PTCHD4: variants seen among roughly 807,000 people sequenced by gnomAD.
PTCHD4 encodes patched domain containing 4, also known as patched domain-containing protein 4.
Under a neutral mutation model 58.1 loss-of-function variants are expected in PTCHD4, and 33 were observed. That is an observed-to-expected ratio of 0.57 (90% CI 0.43 to 0.76). PTCHD4 has a LOEUF of 0.76. Ranked by LOEUF, PTCHD4 falls within the 30% of genes least tolerant of loss-of-function variation. The pLI is 0.00. For missense variants in PTCHD4, 1,058 were observed against 1,027.1 expected (o/e 1.03, Z -0.41); for synonymous variants, 478 against 409.6 (o/e 1.17, Z -2.02).
At chr6:48,025,056 T>C (rs1408671692) in intron 3 of PTCHD4, among the ~76,000 whole-genome samples, 2 of 152,210 alleles carry the variant, frequency 1.3e-5, no homozygotes, top group African/African-American at 2.4e-5. Context: ...CAAACTTTAA[T>C]TTTAATATAT....
intron 1 of PTCHD4, among the ~76,000 whole-genome samples, chr6:48,109,627 T>C (rs1307451169): frequency 6.6e-6 from 1 of 151,924 alleles, no homozygotes; most frequent in Non-Finnish European, 1.5e-5. Flanking sequence ...AGCCTACAAA[T>C]TGGGAGAAAA....
chr6:48,024,486 T>C (rs976763096), intron 3 of PTCHD4, among the ~76,000 whole-genome samples: 10 of 152,176 alleles, frequency 6.6e-5, no homozygotes, highest in Non-Finnish European at 1.5e-4. Context: ...TCAATTTTCC[T>C]TCTAATATAC....
intron 4 of PTCHD4, among the ~76,000 whole-genome samples, chr6:47,964,925 A>T (rs1365788558): frequency 1.3e-5 from 2 of 152,210 alleles, no homozygotes; most frequent in Non-Finnish European, 2.9e-5. Flanking sequence ...GGATTAAAAA[A>T]ACAGCACACT....
chr6:47,976,716 A>G (rs896457039), intron 4 of PTCHD4, among the ~76,000 whole-genome samples: 2 of 151,600 alleles, frequency 1.3e-5, no homozygotes, highest in African/African-American at 4.8e-5. Context: ...TTACAAAGCC[A>G]CAATTCAAAG....
chr6:48,020,182 TAG>T (rs1763014973), intron 3 of PTCHD4, among the ~76,000 whole-genome samples: 1 of 152,112 alleles, frequency 6.6e-6, no homozygotes, highest in East Asian at 1.9e-4. Flanking sequence ...CTATGAGCAC[TAG>T]AGATAGGGCA....
At chr6:47,952,009 T>C (rs1766671221) in intron 4 of PTCHD4, among the ~76,000 whole-genome samples, 1 of 152,164 alleles carries the variant, frequency 6.6e-6, no homozygotes, top group Non-Finnish European at 1.5e-5. Flanking sequence ...GATTATGCTA[T>C]GGCAAAAGAT....
intron 3 of PTCHD4, among the ~76,000 whole-genome samples, chr6:48,014,651 A>G (rs531701397): frequency 6.6e-6 from 1 of 152,288 alleles, no homozygotes; most frequent in South Asian, 2.1e-4. Context: ...CTATGAAAAT[A>G]CAATGCATAA....
chr6:47,864,641 A>G lies in PTCHD4; in HGVS notation c.*13662T>C, dbSNP rs111586809. On this transcript the variant is annotated 3_prime_UTR_variant, in exon 5 of 5. Transcript: ENST00000339488. The stretch of plus-strand genomic sequence containing the variant: ...GTTCCAACTCTTTTACATTTTCTCA[A>G]GTTGTTATCTGCTTCCTCATCCTCA... 6.6e-6 allele frequency among the ~76,000 whole-genome samples: 1 copy of G among 151,348 alleles called. No individual in the cohort carries two copies. Among genetic ancestry groups the G allele is most frequent in the Non-Finnish European group, 1.5e-5 (1 of 67,814 alleles).
intron 4 of PTCHD4, among the ~76,000 whole-genome samples, chr6:47,926,500 T>C (rs80185359): frequency 2.0e-4 from 31 of 152,326 alleles, no homozygotes; most frequent in African/African-American, 7.5e-4. Flanking sequence ...CCTGGGATTG[T>C]GTTAGAAATG....
intron 1 of PTCHD4, among the ~76,000 whole-genome samples, chr6:48,095,036 A>G (rs1362971011): frequency 6.6e-6 from 1 of 152,182 alleles, no homozygotes; most frequent in Non-Finnish European, 1.5e-5. Flanking sequence ...AAGATGTAGG[A>G]CAGATTATAA....
chr6:48,043,043 A>G (rs1763900048), intron 3 of PTCHD4, among the ~76,000 whole-genome samples: 1 of 151,928 alleles, frequency 6.6e-6, no homozygotes, highest in Non-Finnish European at 1.5e-5. Flanking sequence ...CAGAACAGAG[A>G]GACAGTATCG....
rs115178308 is a variant in PTCHD4 at position 47,917,190 on chromosome 6, A to G, written c.899-37254T>C. On this transcript the variant is annotated intron_variant, in intron 4 of 4. Coordinates refer to ENST00000339488, the MANE Select transcript of PTCHD4 (RefSeq NM_001384253.1). The stretch of plus-strand genomic sequence containing the variant: ...ATATTTTTCAAAATTTAATTTATAT[A>G]TTTTTTTCAATAATGCTATTTTGGG... Among the ~76,000 whole-genome samples the G allele has an allele frequency of 3.8e-3, 572 of 152,068 alleles. 7 individuals carry two copies. Among genetic ancestry groups the G allele is most frequent in the Middle Eastern group, 0.02 (6 of 294 alleles).
At chr6:47,985,591 G>T (rs1434105382) in intron 4 of PTCHD4, among the ~76,000 whole-genome samples, 1 of 152,014 alleles carries the variant, frequency 6.6e-6, no homozygotes, top group Non-Finnish European at 1.5e-5. Flanking sequence ...GATGATGAAA[G>T]AACTAGTTTT....
intron 4 of PTCHD4, among the ~76,000 whole-genome samples, chr6:47,946,798 C>T (rs1766435527): frequency 6.6e-6 from 1 of 151,646 alleles, no homozygotes; most frequent in Admixed American, 6.6e-5. Flanking sequence ...CAAACCTTTC[C>T]TCTCTTAGTT....
At chr6:48,091,421 A>G (rs1019643605) in intron 1 of PTCHD4, among the ~76,000 whole-genome samples, 1 of 152,142 alleles carries the variant, frequency 6.6e-6, no homozygotes, top group Non-Finnish European at 1.5e-5. Context: ...GACCTTCTGA[A>G]TCAGAATCTC....
chr6:48,018,681 T>C (rs917140336), intron 3 of PTCHD4, among the ~76,000 whole-genome samples: 6 of 152,254 alleles, frequency 3.9e-5, no homozygotes, highest in African/African-American at 7.2e-5. Flanking sequence ...GTATTCTCTC[T>C]ACCATTTGCT....
At chr6:47,922,478 G>A (rs1027514111) in intron 4 of PTCHD4, among the ~76,000 whole-genome samples, 1 of 152,142 alleles carries the variant, frequency 6.6e-6, no homozygotes, top group Non-Finnish European at 1.5e-5. Flanking sequence ...GAATTAGAAA[G>A]AGGCTATTAT....
intron 4 of PTCHD4, among the ~76,000 whole-genome samples, chr6:47,948,926 T>A (rs2113941584): frequency 6.6e-6 from 1 of 152,304 alleles, no homozygotes; most frequent in Non-Finnish European, 1.5e-5. Flanking sequence ...CAACAAAACA[T>A]TATCGAGCAT....
chr6:48,042,271 A>G (rs1410153425), intron 3 of PTCHD4, among the ~76,000 whole-genome samples: 1 of 152,022 alleles, frequency 6.6e-6, no homozygotes, highest in Non-Finnish European at 1.5e-5. Flanking sequence ...TGATTTCTAC[A>G]TAGCTTCCTA....
Sources: allele counts gnomAD v4.1 joint callset (sites outside exome capture counted in the v4.1 genomes callset), GRCh38; gene constraint gnomAD v4.1.1; transcripts MANE v1.5; gene names NCBI Gene and HGNC (gene_info 2026-07-23, HGNC 2026-07-21).